The following CEP128 variants were observed in gnomAD, a reference collection of about 807,000 sequenced individuals.
The protein encoded by CEP128 is centrosomal protein 128kDa.
In CEP128, 132 loss-of-function variants were observed where a neutral mutation model predicts 156.7. The ratio of observed to expected loss-of-function variants is 0.84; its 90% CI spans 0.73 to 0.97. The LOEUF (loss-of-function observed/expected upper bound fraction) is 0.97, where lower values mean the gene tolerates loss of function less well. CEP128 is among the 50% of genes least tolerant of loss of function. CEP128 has a pLI of 0.00. For missense variants in CEP128, 1,252 were observed against 1,281.9 expected, an observed-to-expected ratio of 0.98 and a Z score of 0.36; for synonymous variants, 469 against 448.9, an observed-to-expected ratio of 1.04 and a Z score of -0.57.
At chr14:80,797,276 G>A (rs984544988) in intron 13 of CEP128, among the ~76,000 whole-genome samples, 3 of 152,026 alleles carry the variant, frequency 2.0e-5, no homozygotes, top group Non-Finnish European at 2.9e-5. Flanking sequence ...TAAAAACTGC[G>A]GACTCTTATA....
intron 13 of CEP128, among the ~76,000 whole-genome samples, chr14:80,808,551 G>A (rs61979451): frequency 4.6e-5 from 7 of 151,726 alleles, no homozygotes; most frequent in East Asian, 1.9e-4. Flanking sequence ...CTGGACCACC[G>A]CTACCACTAC....
chr14:80,941,375 C>G (rs920912276), intron 1 of CEP128, among the ~76,000 whole-genome samples: 12 of 152,108 alleles, frequency 7.9e-5, no homozygotes, highest in African/African-American at 2.4e-4. Flanking sequence ...ACCGCGGACA[C>G]CCCTGCCGAG....
At chr14:80,616,421 G>A (rs545348308) in intron 19 of CEP128, among the ~76,000 whole-genome samples, 1 of 152,204 alleles carries the variant, frequency 6.6e-6, no homozygotes, top group Non-Finnish European at 1.5e-5. Context: ...CAAGCTGGGA[G>A]AGACTGTTTT....
chr14:80,482,487 A>T (rs761418011), intron 14 of CEP128, among the ~76,000 whole-genome samples: 6 of 152,234 alleles, frequency 3.9e-5, no homozygotes, highest in African/African-American at 1.4e-4. Flanking sequence ...CCAGAAGCTT[A>T]GAATCAATAG....
intron 19 of CEP128, among the ~76,000 whole-genome samples, chr14:80,711,177 G>C (rs1192057575): frequency 1.3e-5 from 2 of 151,996 alleles, no homozygotes; most frequent in African/African-American, 4.8e-5. Flanking sequence ...ATTCACTTAG[G>C]AGACCTTTCC....
chr14:80,936,920 C>T (rs1885837739), intron 2 of CEP128, among the ~76,000 whole-genome samples: 2 of 151,764 alleles, frequency 1.3e-5, no homozygotes, highest in South Asian at 4.2e-4. Context: ...ACTATAAAAA[C>T]TACATTAGCA....
At chr14:80,686,628 T>C (rs758942374) in intron 19 of CEP128, among the ~76,000 whole-genome samples, 10 of 152,098 alleles carry the variant, frequency 6.6e-5, no homozygotes, top group Non-Finnish European at 1.2e-4. Flanking sequence ...AGACACAGAA[T>C]TGCAAGCTGG....
chr14:80,547,828 C>T (rs1318630115), intron 21 of CEP128, among the ~76,000 whole-genome samples: 7 of 144,968 alleles, frequency 4.8e-5, no homozygotes, highest in African/African-American at 1.8e-4. Context: ...GACGGAGCTT[C>T]GCTCTTTTTG....
intron 19 of CEP128, among the ~76,000 whole-genome samples, chr14:80,666,034 A>G (rs891852499): frequency 2.0e-5 from 3 of 152,192 alleles, no homozygotes; most frequent in Non-Finnish European, 4.4e-5. Flanking sequence ...TCCAATTGCA[A>G]AGTCAAAGAG....
chr14:80,800,212 C>T (rs1289043654), intron 13 of CEP128, among the ~76,000 whole-genome samples: 1 of 152,102 alleles, frequency 6.6e-6, no homozygotes, highest in East Asian at 1.9e-4. Context: ...AAAGAACCTA[C>T]ACTGAAATAC....
intron 19 of CEP128, among the ~76,000 whole-genome samples, chr14:80,628,728 C>A (rs969574646): frequency 6.6e-6 from 1 of 152,098 alleles, no homozygotes; most frequent in Non-Finnish European, 1.5e-5. Flanking sequence ...GGGTAACATA[C>A]CTGATTAGGT....
chr14:80,552,241 G>A (rs1346082821), intron 21 of CEP128, among the ~76,000 whole-genome samples: 1 of 151,816 alleles, frequency 6.6e-6, no homozygotes, highest in African/African-American at 2.4e-5. Context: ...TGCGGGAGAT[G>A]GAGGTTGCAG....
chr14:80,612,866 TC>T (rs1440561706), intron 19 of CEP128, among the ~76,000 whole-genome samples: 2 of 152,250 alleles, frequency 1.3e-5, no homozygotes, highest in African/African-American at 4.8e-5. Flanking sequence ...TTTGTTTTTT[TC>T]ATCTCGCTCT....
At chr14:80,786,955 C>T (rs990402527) in intron 14 of CEP128, among the ~76,000 whole-genome samples, 7 of 152,088 alleles carry the variant, frequency 4.6e-5, no homozygotes, top group East Asian at 3.9e-4. Context: ...TGTGAAAAGA[C>T]GGGATAACTG....
intron 13 of CEP128, among the ~76,000 whole-genome samples, chr14:80,829,754 A>G (rs1885682001): frequency 6.6e-6 from 1 of 152,176 alleles, no homozygotes; most frequent in Non-Finnish European, 1.5e-5. Flanking sequence ...ACCAAACCAA[A>G]CTAACCCAAG....
chr14:80,798,814 A>C (rs78248497), intron 13 of CEP128, among the ~76,000 whole-genome samples: 2 of 152,210 alleles, frequency 1.3e-5, no homozygotes. Flanking sequence ...ATGAACGTAT[A>C]ATATAATATA....
intron 8 of CEP128, among the ~76,000 whole-genome samples, chr14:80,863,547 A>T (rs1253988533): frequency 6.6e-6 from 1 of 152,212 alleles, no homozygotes; most frequent in Admixed American, 6.5e-5. Context: ...CCTTACTAAA[A>T]GTTGCATAAA....
At position 80,880,908 on chromosome 14, in the gene CEP128, A is replaced by AATAATAATAATT. The variant is rs779984422; in HGVS notation, c.645+14809_645+14810insAATTATTATTAT. On this transcript the variant is annotated intron_variant, in intron 8 of 24. Transcript: ENST00000555265. Reference sequence around the variant, plus strand: ...TAATAATAATAATAATAATAATAATAATTTCAGTAAAGGATACAAAATCAA... The same window carrying AATAATAATAATT: ...TAATAATAATAATAATAATAATAATAATAATAATAATTATTTCAGTAAAGGATACAAAATCAA... 6.0e-5 allele frequency among the ~76,000 whole-genome samples: 8 copies of AATAATAATAATT among 133,648 alleles called. No individual in the cohort carries two copies. In the East Asian group the frequency reaches 8.2e-4, roughly 14 times the overall value. 87.7% of individuals were successfully genotyped at this position (133,648 alleles called of 152,430 possible). A position where few individuals can be genotyped will look rare whatever the true frequency, so the allele number is the denominator to read the frequency against.
intron 19 of CEP128, among the ~76,000 whole-genome samples, chr14:80,692,709 T>C (rs1383273257): frequency 3.9e-5 from 6 of 152,070 alleles, no homozygotes; most frequent in South Asian, 2.1e-4. Flanking sequence ...TATAAAAAGA[T>C]AGAGTTGGAA....
Sources: gnomAD v4.1 joint callset for allele counts (sites outside exome capture counted in the v4.1 genomes callset) on GRCh38, gnomAD v4.1.1 for gene constraint, MANE v1.5 for transcripts, NCBI Gene and HGNC (gene_info 2026-07-23, HGNC 2026-07-21) for gene names.